The following LUZP1 variants were observed in gnomAD, a reference collection of about 807,000 sequenced individuals.
LUZP1 encodes the protein filamin mechanobinding actin cross-linking protein.
In LUZP1, 25 loss-of-function variants were observed where a neutral mutation model predicts 71.3. The ratio of observed to expected loss-of-function variants is 0.35; its 90% CI spans 0.26 to 0.49. LUZP1 has a LOEUF of 0.49. Ranked by LOEUF, LUZP1 falls within the 20% of genes least tolerant of loss-of-function variation. The pLI is 0.99. For missense variants in LUZP1, 1,142 were observed against 1,300.8 expected, an observed-to-expected ratio of 0.88 and a Z score of 1.88; for synonymous variants, 481 against 506.4, an observed-to-expected ratio of 0.95 and a Z score of 0.67.
chr1:23,090,140 T>TCAG (rs1316171302), intron 4 of LUZP1, among the ~76,000 whole-genome samples: 11 of 35,770 alleles, frequency 3.1e-4, no homozygotes, highest in Non-Finnish European at 6.3e-4. Context: ...GTAAGAAAGG[T>TCAG]TAGAGTAGAA....
At chr1:23,117,454 C>CCTCCCTCTCTCTCTCTCTCTCTCTCT (rs1553137817) in intron 2 of LUZP1, among the ~76,000 whole-genome samples, 14 of 13,360 alleles carry the variant, frequency 1.0e-3, no homozygotes, top group African/African-American at 6.2e-3. Context: ...TTTTTTTTTT[C>CCTCCCTCTCTCTCTCTCTCTCTCTCT]CTCTCTCTCT....
chr1:23,165,525 A>G (rs768428607), intron 2 of LUZP1, among the ~76,000 whole-genome samples: 23 of 152,066 alleles, frequency 1.5e-4, no homozygotes, highest in Non-Finnish European at 2.5e-4. Flanking sequence ...TAAAAAAAAA[A>G]GTTAGCCAGG....
chr1:23,088,779 T>A (rs528462646), exon 5 of LUZP1: 1 of 1,434,264 alleles, frequency 7.0e-7, no homozygotes, highest in Non-Finnish European at 9.4e-7. Flanking sequence ...CTACCACAGT[T>A]TTCCAGCCAA....
At chr1:23,128,213 C>G (rs952269508) in intron 2 of LUZP1, among the ~76,000 whole-genome samples, 6 of 151,540 alleles carry the variant, frequency 4.0e-5, no homozygotes, top group Non-Finnish European at 8.8e-5. Flanking sequence ...ACAAGTTTCT[C>G]AGTTAAAAAA....
At chr1:23,089,110 C>A in intron 4 of LUZP1, 57 bp from the exon 4 acceptor site, 1 of 1,540,826 alleles carries the variant, frequency 6.5e-7, no homozygotes, top group South Asian at 1.2e-5. Context: ...AGGACCGAGA[C>A]ACCCTCACCT....
At chr1:23,135,048 T>C (rs572436187) in intron 2 of LUZP1, among the ~76,000 whole-genome samples, 39 of 152,270 alleles carry the variant, frequency 2.6e-4, no homozygotes, top group African/African-American at 7.9e-4. Flanking sequence ...CCCTGGAGTA[T>C]GTTTCAAGAA....
At chr1:23,147,099 A>AAAT (rs371398665) in intron 2 of LUZP1, among the ~76,000 whole-genome samples, 25,110 of 144,342 alleles carry the variant, frequency 0.17, 2,316 homozygotes, top group Middle Eastern at 0.29. Flanking sequence ...TCCGTCTCAA[A>AAAT]AATAATAATA....
Position 23,088,152 on chromosome 1 carries a change from A to C in LUZP1, c.*743T>G, listed in dbSNP as rs1361741411. On this transcript the variant is annotated 3_prime_UTR_variant, in exon 5 of 5. Transcript: ENST00000302291. Reference sequence around the variant, plus strand: ...CAGCATTACTGGTGCTCAGGAAAGGAGATGCATGAGGCTTGCACCTCCAGG... The same window carrying C: ...CAGCATTACTGGTGCTCAGGAAAGGCGATGCATGAGGCTTGCACCTCCAGG... 2.0e-5 allele frequency: 3 copies of C among 152,758 alleles called. No individual in the cohort carries two copies. The East Asian group carries it at 5.8e-4, about 29-fold the overall frequency. The allele number at this position is 152,758 out of a possible 1,614,324, so 9.5% of individuals were successfully genotyped here.
At chr1:23,096,130 GAAAA>G (rs66618384) in intron 3 of LUZP1, among the ~76,000 whole-genome samples, 5 of 134,430 alleles carry the variant, frequency 3.7e-5, no homozygotes, top group South Asian at 4.8e-4. Flanking sequence ...AAGAAGGAAT[GAAAA>G]AAAAAAAAAA....
chr1:23,141,968 C>A (rs950096944), intron 2 of LUZP1, among the ~76,000 whole-genome samples: 3 of 152,234 alleles, frequency 2.0e-5, no homozygotes, highest in African/African-American at 7.2e-5. Flanking sequence ...CCTCAGCCTC[C>A]CATGTAGCTG....
upstream of LUZP1, among the ~76,000 whole-genome samples, chr1:23,178,066 GATCAAGTGGGCATGAT>G (rs1557707591): frequency 1.3e-5 from 2 of 152,178 alleles, no homozygotes. Context: ...TTCCGTCCGC[GATCAAGTGGGCATGAT>G]GCGACCCACT....
exon 4 of LUZP1, chr1:23,092,823 G>C (rs568251684): frequency 1.2e-6 from 2 of 1,613,844 alleles, no homozygotes; most frequent in East Asian, 4.5e-5. Context: ...CTCCTGAGCA[G>C]CCGGGGGGTA....
In LUZP1 at chr1:23,092,891, G is replaced by A. The variant is rs144635559; in HGVS notation, c.1371C>T (p.Pro457=). ...TCTTCCCTTCGCTCTGGGAGGAGCC[G>A]GGTACAAACCGGTCTTCAGTTTTCT... The change falls in exon 4 of 5, where the codon CCC becomes CCT. Residue 457 remains proline (P), a synonymous_variant. Coordinates refer to ENST00000302291, the Ensembl canonical transcript of LUZP1. 64 of 1,613,682 alleles carry A rather than the reference G, an allele frequency of 4.0e-5. No homozygotes were observed. The African/African-American group carries it at 6.1e-4, about 15-fold the overall frequency.
At chr1:23,123,192 C>T (rs1557659095) in intron 2 of LUZP1, among the ~76,000 whole-genome samples, 1 of 152,042 alleles carries the variant, frequency 6.6e-6, no homozygotes, top group African/African-American at 2.4e-5. Context: ...GCTTTAGTAT[C>T]CTATAAGAAT....
chr1:23,176,032 T>G (rs1644579980), intron 1 of LUZP1, among the ~76,000 whole-genome samples: 1 of 152,026 alleles, frequency 6.6e-6, no homozygotes, highest in East Asian at 1.9e-4. Context: ...CTTATCTGTC[T>G]TTTATTTCCT....
At chr1:23,123,311 G>GCC (rs1644144922) in intron 2 of LUZP1, among the ~76,000 whole-genome samples, 2 of 152,056 alleles carry the variant, frequency 1.3e-5, no homozygotes, top group Non-Finnish European at 2.9e-5. Flanking sequence ...GACCAACACA[G>GCC]TGAAACCCCG....
intron 2 of LUZP1, among the ~76,000 whole-genome samples, chr1:23,112,349 T>C (rs544749381): frequency 4.9e-4 from 74 of 152,306 alleles, no homozygotes; most frequent in South Asian, 1.9e-3. Context: ...TTGGTGGTGA[T>C]AGTGGTGGTA....
At chr1:23,134,381 C>T (rs1644237687) in intron 2 of LUZP1, among the ~76,000 whole-genome samples, 1 of 151,906 alleles carries the variant, frequency 6.6e-6, no homozygotes. Context: ...ACTCAGGAGG[C>T]TAAAACAGGA....
intron 2 of LUZP1, among the ~76,000 whole-genome samples, chr1:23,112,605 G>C (rs1272831676): frequency 6.6e-6 from 1 of 152,144 alleles, no homozygotes; most frequent in Non-Finnish European, 1.5e-5. Flanking sequence ...CTATACTCTG[G>C]ATAAAACACA....
Sources: gnomAD v4.1 joint callset for allele counts (sites outside exome capture counted in the v4.1 genomes callset) on GRCh38, gnomAD v4.1.1 for gene constraint, MANE v1.5 for transcripts, NCBI Gene and HGNC (gene_info 2026-07-23, HGNC 2026-07-21) for gene names.